KLRG1: variants seen among roughly 807,000 people sequenced by gnomAD.
KLRG1 encodes killer cell lectin-like receptor subfamily G member 1.
In KLRG1, 16 loss-of-function variants were observed where a neutral mutation model predicts 21.8. The observed-to-expected ratio is 0.73, with a 90% confidence interval of 0.50 to 1.11. The LOEUF is 1.11. Among genes scored for constraint, KLRG1 ranks in the 50% most tolerant of loss-of-function variants. KLRG1 has a pLI of 0.00. For missense variants in KLRG1, 173 were observed against 218.3 expected (o/e 0.79, Z 1.31); for synonymous variants, 69 against 75.9 (o/e 0.91, Z 0.47).
At chr12:9,049,175 C>T in the KLRG1 span, among the ~76,000 whole-genome samples, 2 of 152,136 alleles carry the variant, frequency 1.3e-5, no homozygotes, top group Non-Finnish European at 2.9e-5. Context: ...ATCAGGGCTT[C>T]AGAAGGAAGG....
the KLRG1 span, chr12:9,202,351 C>G: frequency 6.2e-7 from 1 of 1,614,128 alleles, no homozygotes; most frequent in Non-Finnish European, 8.5e-7. Context: ...TTTTCATCCA[C>G]GGAGACAACA....
At chr12:9,154,294 G>A in the KLRG1 span, among the ~76,000 whole-genome samples, 1 of 152,198 alleles carries the variant, frequency 6.6e-6, no homozygotes, top group African/African-American at 2.4e-5. Flanking sequence ...CTTTTACAAC[G>A]ATGATGTGGC....
chr12:8,981,177 C>G (rs1261671358), intron 1 of KLRG1, among the ~76,000 whole-genome samples: 1 of 152,148 alleles, frequency 6.6e-6, no homozygotes, highest in East Asian at 1.9e-4. Context: ...CTTGCTCAAT[C>G]TTATTAGAAG....
chr12:9,023,328 A>G, the KLRG1 span, among the ~76,000 whole-genome samples: 9 of 152,196 alleles, frequency 5.9e-5, no homozygotes, highest in Non-Finnish European at 1.3e-4. Context: ...AAAAATCCCT[A>G]CACATTTGGT....
the KLRG1 span, chr12:9,153,019 C>T: frequency 7.5e-6 from 12 of 1,610,260 alleles, no homozygotes; most frequent in East Asian, 1.1e-4. Context: ...CATTACTTAA[C>T]GTCTCCAGAG....
At chr12:9,079,963 A>C in the KLRG1 span, 5 of 965,036 alleles carry the variant, frequency 5.2e-6, no homozygotes, top group Non-Finnish European at 7.3e-6. Context: ...TGAAAGCAAT[A>C]AACAAGCCCA....
At chr12:9,063,766 C>T in the KLRG1 span, among the ~76,000 whole-genome samples, 2 of 152,054 alleles carry the variant, frequency 1.3e-5, no homozygotes, top group African/African-American at 4.8e-5. Context: ...TTTTACTCTG[C>T]GGTGAGTTTT....
the KLRG1 span, among the ~76,000 whole-genome samples, chr12:9,183,148 C>T: frequency 1.3e-5 from 2 of 151,968 alleles, no homozygotes; most frequent in Non-Finnish European, 2.9e-5. Context: ...AAGTCTAATA[C>T]CCTTAGGAAT....
chr12:9,131,516 T>C, the KLRG1 span, among the ~76,000 whole-genome samples: 1 of 152,032 alleles, frequency 6.6e-6, no homozygotes, highest in African/African-American at 2.4e-5. Flanking sequence ...ATCCTTGTTT[T>C]TGAGGTATAG....
At chr12:8,959,334 G>A (rs1353217624) in intron 1 of KLRG1, among the ~76,000 whole-genome samples, 1 of 152,138 alleles carries the variant, frequency 6.6e-6, no homozygotes, top group Non-Finnish European at 1.5e-5. Context: ...TGGTCTTTGA[G>A]ACATTTTTCA....
At chr12:9,200,505 A>G in the KLRG1 span, 2 of 1,343,698 alleles carry the variant, frequency 1.5e-6, no homozygotes, top group Non-Finnish European at 1.1e-6. Context: ...TGGAAATACA[A>G]ATAATTTCAG....
At chr12:8,993,052 A>G (rs139955714) in intron 2 of KLRG1, among the ~76,000 whole-genome samples, 3 of 149,554 alleles carry the variant, frequency 2.0e-5, no homozygotes, top group South Asian at 2.1e-4. Context: ...CACATAATAG[A>G]TATATCATAA....
At chr12:9,069,066 C>T in the KLRG1 span, 2 of 408,518 alleles carry the variant, frequency 4.9e-6, no homozygotes, top group Non-Finnish European at 8.7e-6. Flanking sequence ...AATGCCAATA[C>T]ATAGCTCTGT....
the KLRG1 span, among the ~76,000 whole-genome samples, chr12:9,199,714 C>T: frequency 6.6e-6 from 1 of 152,058 alleles, no homozygotes; most frequent in Non-Finnish European, 1.5e-5. Context: ...CTATGGCTTG[C>T]TTTAAAATAT....
At chr12:9,050,755 T>C in the KLRG1 span, among the ~76,000 whole-genome samples, 5 of 152,222 alleles carry the variant, frequency 3.3e-5, no homozygotes, top group Non-Finnish European at 5.9e-5. Context: ...CTCCCCCCTT[T>C]CAAGTTGGCG....
At chr12:8,999,577 A>G (rs1382153171) in intron 3 of KLRG1, among the ~76,000 whole-genome samples, 4 of 152,228 alleles carry the variant, frequency 2.6e-5, no homozygotes, top group Admixed American at 2.6e-4. Flanking sequence ...ACACTATGGT[A>G]ACATGGTCAC....
At chr12:9,065,663 AAGGGGATGGGTCCCC>A in the KLRG1 span, among the ~76,000 whole-genome samples, 1 of 152,286 alleles carries the variant, frequency 6.6e-6, no homozygotes, top group East Asian at 1.9e-4. Flanking sequence ...TCCTGGGTGG[AAGGGGATGGGTCCCC>A]AGTGAAGTCC....
the KLRG1 span, chr12:9,076,775 A>G: frequency 6.2e-7 from 1 of 1,613,948 alleles, no homozygotes; most frequent in Non-Finnish European, 8.5e-7. Flanking sequence ...CAGCTTCCTC[A>G]TTAAGTGACT....
At chr12:9,196,028 G>T in the KLRG1 span, among the ~76,000 whole-genome samples, 3 of 152,100 alleles carry the variant, frequency 2.0e-5, no homozygotes, top group Non-Finnish European at 4.4e-5. Context: ...GGTCATGATA[G>T]AAATATCATT....
Sources: gnomAD v4.1 joint callset for allele counts (sites outside exome capture counted in the v4.1 genomes callset) on GRCh38, gnomAD v4.1.1 for gene constraint, MANE v1.5 for transcripts, NCBI Gene and HGNC (gene_info 2026-07-23, HGNC 2026-07-21) for gene names.